Variants in DPP10 observed in about 807,000 individuals in gnomAD.
The protein encoded by DPP10 is inactive dipeptidyl peptidase 10.
In DPP10, 33 loss-of-function variants were observed where a neutral mutation model predicts 120.9. That is an observed-to-expected ratio of 0.27 (90% CI 0.21 to 0.37). DPP10 has a LOEUF of 0.37. Among genes scored for constraint, DPP10 ranks in the 10% least tolerant of loss-of-function variants. The pLI, the probability that DPP10 is intolerant of heterozygous loss-of-function variation, is 1.00. For missense variants in DPP10, 816 were observed against 942.8 expected (o/e 0.87, Z 1.76); for synonymous variants, 337 against 326.1 (o/e 1.03, Z -0.36).
chr2:115,198,250 A>G (rs1335666099), intron 1 of DPP10, among the ~76,000 whole-genome samples: 2 of 152,210 alleles, frequency 1.3e-5, no homozygotes, highest in East Asian at 3.9e-4. Flanking sequence ...CGCTCAGAGT[A>G]GAAGCCAAGC....
intron 1 of DPP10, among the ~76,000 whole-genome samples, chr2:114,569,634 A>G (rs1019309430): frequency 2.0e-5 from 3 of 152,166 alleles, no homozygotes; most frequent in African/African-American, 7.2e-5. Context: ...ATTGCACTGT[A>G]TGTTACTGCT....
At chr2:114,487,253 G>C (rs994030898) in intron 1 of DPP10, among the ~76,000 whole-genome samples, 1 of 152,096 alleles carries the variant, frequency 6.6e-6, no homozygotes, top group South Asian at 2.1e-4. Context: ...GTGACAATTT[G>C]TTTAATACCT....
At chr2:115,428,778 A>T (rs1457494597) in intron 3 of DPP10, among the ~76,000 whole-genome samples, 1 of 152,148 alleles carries the variant, frequency 6.6e-6, no homozygotes, top group Non-Finnish European at 1.5e-5. Context: ...GAAAGGATAC[A>T]CTCGCCAGCA....
intron 7 of DPP10, among the ~76,000 whole-genome samples, chr2:115,718,788 A>T (rs543704523): frequency 6.6e-6 from 1 of 152,246 alleles, no homozygotes; most frequent in South Asian, 2.1e-4. Flanking sequence ...TATTTGCTTT[A>T]TGATAATGGG....
intron 1 of DPP10, among the ~76,000 whole-genome samples, chr2:115,286,541 A>ATATATATATATATATATATATAT (rs2060410573): frequency 2.0e-5 from 2 of 102,056 alleles, no homozygotes; most frequent in African/African-American, 3.7e-5. Flanking sequence ...ATATATATAT[A>ATATATATATATATATATATATAT]AAATATATAC....
At chr2:115,467,049 C>T (rs1017428946) in intron 3 of DPP10, among the ~76,000 whole-genome samples, 5 of 152,118 alleles carry the variant, frequency 3.3e-5, no homozygotes, top group African/African-American at 1.2e-4. Context: ...GAATGTAGCA[C>T]TCTCTTTTAC....
intron 1 of DPP10, among the ~76,000 whole-genome samples, chr2:115,010,855 A>G (rs1339577562): frequency 6.6e-6 from 1 of 152,176 alleles, no homozygotes; most frequent in Non-Finnish European, 1.5e-5. Context: ...GTGTGGCCAG[A>G]CAGAGGATGC....
intron 8 of DPP10, among the ~76,000 whole-genome samples, chr2:115,733,007 A>G (rs888750500): frequency 2.0e-5 from 3 of 152,180 alleles, no homozygotes; most frequent in African/African-American, 7.2e-5. Context: ...TTTATTTCAC[A>G]TACTAAATAG....
At chr2:115,184,096 G>A (rs774859033) in intron 1 of DPP10, among the ~76,000 whole-genome samples, 9 of 152,094 alleles carry the variant, frequency 5.9e-5, no homozygotes, top group Non-Finnish European at 8.8e-5. Flanking sequence ...GGAACTCAAC[G>A]ACTTCTTGAA....
intron 1 of DPP10, among the ~76,000 whole-genome samples, chr2:114,663,668 T>TATATATATATATAGAGAGAG: frequency 1.4e-4 from 11 of 80,704 alleles, no homozygotes; most frequent in African/African-American, 6.6e-4. Flanking sequence ...TATATATATA[T>TATATATATATATAGAGAGAG]AGAGAGAGAG....
chr2:115,387,304 A>T (rs1214250900), intron 3 of DPP10, among the ~76,000 whole-genome samples: 1 of 152,192 alleles, frequency 6.6e-6, no homozygotes, highest in Admixed American at 6.5e-5. Flanking sequence ...TTAGCTTCAA[A>T]CAACATGTTA....
rs1315290371 is a variant in DPP10, at chr2:114,480,268, C to T, written c.60+37430C>T. Among the ~76,000 whole-genome samples, 3 of 151,544 alleles carry T rather than the reference C, an allele frequency of 2.0e-5. 1 individual carries two copies. Among genetic ancestry groups the T allele is most frequent in the African/African-American group, 7.3e-5 (3 of 40,992 alleles). On this transcript the variant is annotated intron_variant, in intron 1 of 25. Transcript: ENST00000410059. ...TTTACACTGTTAGTGGGACTGTAAA[C>T]TAGTTCAACCCTTGTGGAAGTCAGT...
At chr2:114,990,581 T>C (rs537685698) in intron 1 of DPP10, among the ~76,000 whole-genome samples, 6 of 152,306 alleles carry the variant, frequency 3.9e-5, no homozygotes, top group African/African-American at 1.2e-4. Context: ...TTTAATTATT[T>C]TTATACCCCA....
intron 1 of DPP10, among the ~76,000 whole-genome samples, chr2:114,763,610 A>G (rs972741911): frequency 9.2e-5 from 14 of 152,182 alleles, no homozygotes; most frequent in African/African-American, 3.4e-4. Context: ...GGTCTATTAT[A>G]TATGATAATA....
chr2:115,392,337 C>A (rs1017955547), intron 3 of DPP10, among the ~76,000 whole-genome samples: 2 of 152,046 alleles, frequency 1.3e-5, no homozygotes, highest in African/African-American at 4.8e-5. Context: ...TAACTAGTTT[C>A]TTTTAAGTAG....
intron 2 of DPP10, among the ~76,000 whole-genome samples, chr2:115,313,208 C>T (rs553983694): frequency 7.3e-4 from 111 of 152,138 alleles, no homozygotes; most frequent in Non-Finnish European, 1.5e-3. Flanking sequence ...GGTGACAGAA[C>T]GAGACTCTGT....
At chr2:115,620,438 T>C (rs2084858997) in intron 5 of DPP10, among the ~76,000 whole-genome samples, 1 of 152,218 alleles carries the variant, frequency 6.6e-6, no homozygotes, top group African/African-American at 2.4e-5. Flanking sequence ...AAATCTTACA[T>C]GGTCATCTGG....
intron 3 of DPP10, among the ~76,000 whole-genome samples, chr2:115,493,376 TTA>T (rs1180270797): frequency 1.3e-5 from 2 of 152,080 alleles, no homozygotes; most frequent in Non-Finnish European, 2.9e-5. Flanking sequence ...GTACTGAGTT[TTA>T]TATGTCTACA....
chr2:114,718,732 T>TA (rs1271274709), intron 1 of DPP10, among the ~76,000 whole-genome samples: 4 of 152,180 alleles, frequency 2.6e-5, no homozygotes, highest in Non-Finnish European at 5.9e-5. Flanking sequence ...TAGATGTAGA[T>TA]ACATGTATGC....
Sources: gnomAD v4.1 joint callset for allele counts (sites outside exome capture counted in the v4.1 genomes callset) on GRCh38, gnomAD v4.1.1 for gene constraint, MANE v1.5 for transcripts, NCBI Gene and HGNC (gene_info 2026-07-23, HGNC 2026-07-21) for gene names.